The following TRIO variants were observed in gnomAD, a reference collection of about 807,000 sequenced individuals.
TRIO encodes the protein triple functional domain protein.
TRIO carries 58 observed loss-of-function variants against 351.9 expected under a neutral mutation model. The observed-to-expected ratio is 0.16, with a 90% confidence interval of 0.13 to 0.21. The LOEUF is 0.21. Ranked by LOEUF, TRIO falls within the 10% of genes least tolerant of loss-of-function variation. TRIO has a pLI of 1.00. For synonymous variants in TRIO, 1,758 were observed against 1,595.7 expected, an observed-to-expected ratio of 1.10 and a Z score of -2.42; for missense variants, 3,201 against 4,027.8, an observed-to-expected ratio of 0.79 and a Z score of 5.56.
chr5:14,337,581 T>A (rs1741539224), intron 11 of TRIO, among the ~76,000 whole-genome samples: 1 of 151,798 alleles, frequency 6.6e-6, no homozygotes. Context: ...GGTCATAGGA[T>A]GGGAAAAAGG....
intron 6 of TRIO, among the ~76,000 whole-genome samples, chr5:14,295,904 C>T (rs1308096903): frequency 6.6e-6 from 1 of 152,172 alleles, no homozygotes; most frequent in East Asian, 1.9e-4. Context: ...GGCTGGAGTC[C>T]TGTGGCTCTA....
At chr5:14,190,441 G>A (rs1790385754) in intron 1 of TRIO, among the ~76,000 whole-genome samples, 2 of 152,174 alleles carry the variant, frequency 1.3e-5, no homozygotes, top group South Asian at 2.1e-4. Flanking sequence ...GTGCATAAGA[G>A]ATCATTTACA....
chr5:14,397,618 C>T (rs998035303), intron 29 of TRIO, among the ~76,000 whole-genome samples: 7 of 152,166 alleles, frequency 4.6e-5, no homozygotes, highest in African/African-American at 1.7e-4. Context: ...AAATATGTTT[C>T]AAAATTAGAG....
chr5:14,215,496 CCTT>C (rs1259584355), intron 1 of TRIO, among the ~76,000 whole-genome samples: 5 of 152,152 alleles, frequency 3.3e-5, no homozygotes, highest in Non-Finnish European at 7.4e-5. Context: ...TTCAGACCAA[CCTT>C]CTTTTATATA....
Position 14,336,655 on chromosome 5 carries a change from T to A in TRIO, c.1974T>A (p.Asp658Glu). ...ATCAGCTGGAAGACCGGATTCAAGA[T>A]TTCGTTCGGCGTGTTGAGCAGCGAA... ...AAHQLEDRIQ[D>E]FVRRVEQRKI... The change falls in exon 11 of 57, where the codon GAT becomes GAA. Residue 658 changes from aspartate to glutamate, a missense_variant. Asp to Glu is a conservative substitution (Grantham distance 45). Transcript: ENST00000344204. 1.2e-6 allele frequency: 2 copies of A among 1,614,186 alleles called. No individual in the cohort carries two copies. The highest frequency in any genetic ancestry group is 1.7e-6 in the Non-Finnish European group (2 of 1,180,032).
intron 28 of TRIO, 25 bp from the exon 29 acceptor site, chr5:14,397,018 T>C: frequency 6.3e-7 from 1 of 1,576,932 alleles, no homozygotes; most frequent in Non-Finnish European, 8.6e-7. Context: ...AGTCTTTACC[T>C]AGTTTCTGTT....
At chr5:14,249,047 A>G (rs1287000607) in intron 1 of TRIO, among the ~76,000 whole-genome samples, 1 of 152,222 alleles carries the variant, frequency 6.6e-6, no homozygotes, top group Non-Finnish European at 1.5e-5. Flanking sequence ...TTCCTGCCTG[A>G]GGTGCCCATA....
intron 38 of TRIO, among the ~76,000 whole-genome samples, chr5:14,472,290 GTCAGAAAGTTA>G (rs1754749527): frequency 1.3e-5 from 2 of 152,190 alleles, no homozygotes; most frequent in African/African-American, 4.8e-5. Context: ...TCATGGCTTT[GTCAGAAAGTTA>G]TGTCTAAGCT....
At chr5:14,504,097 G>T (rs1029452055) in intron 54 of TRIO, among the ~76,000 whole-genome samples, 1 of 152,254 alleles carries the variant, frequency 6.6e-6, no homozygotes, top group East Asian at 1.9e-4. Context: ...CAAGGCCAAG[G>T]CTCAGAGGTC....
At chr5:14,155,238 C>G (rs1038553338) in intron 1 of TRIO, among the ~76,000 whole-genome samples, 1 of 152,204 alleles carries the variant, frequency 6.6e-6, no homozygotes, top group East Asian at 1.9e-4. Context: ...CTCTGCTTCT[C>G]TTTCTGGATA....
chr5:14,186,489 A>T (rs1240919526), intron 1 of TRIO, among the ~76,000 whole-genome samples: 1 of 152,216 alleles, frequency 6.6e-6, no homozygotes, highest in East Asian at 1.9e-4. Context: ...GGGCAGGGAC[A>T]GACAGCCTTA....
At chr5:14,308,775 A>G (rs2152299465) in intron 8 of TRIO, among the ~76,000 whole-genome samples, 1 of 81,204 alleles carries the variant, frequency 1.2e-5, no homozygotes, top group African/African-American at 6.5e-5. Flanking sequence ...CCATCCATTC[A>G]TCTATCCAAC....
intron 33 of TRIO, among the ~76,000 whole-genome samples, chr5:14,416,411 A>G (rs957744026): frequency 2.6e-5 from 4 of 152,128 alleles, no homozygotes; most frequent in Non-Finnish European, 4.4e-5. Context: ...CTGGGCTAGA[A>G]AACACCCATT....
intron 35 of TRIO, 93 bp downstream of exon 35, chr5:14,461,404 T>A: frequency 7.1e-7 from 1 of 1,403,796 alleles, no homozygotes. Context: ...TAAACTGGTT[T>A]GGTTCTGTTT....
intron 1 of TRIO, among the ~76,000 whole-genome samples, chr5:14,163,972 G>A (rs888100475): frequency 2.0e-5 from 3 of 152,182 alleles, no homozygotes; most frequent in African/African-American, 7.2e-5. Flanking sequence ...GCTCTTGTGT[G>A]AATGTGTGTT....
intron 37 of TRIO, among the ~76,000 whole-genome samples, chr5:14,469,018 C>T (rs181335369): frequency 2.1e-3 from 313 of 152,256 alleles, no homozygotes; most frequent in African/African-American, 6.9e-3. Flanking sequence ...AGTAATAGTT[C>T]CCTGCCGCCA....
intron 21 of TRIO, 140 bp from the exon 22 acceptor site, chr5:14,387,298 C>G (rs1746627415): frequency 1.3e-6 from 1 of 749,594 alleles, no homozygotes; most frequent in African/African-American, 1.8e-5. Flanking sequence ...GTGGGTGGAC[C>G]TGGGGCTTTG....
intron 34 of TRIO, among the ~76,000 whole-genome samples, chr5:14,430,591 A>C (rs892205443): frequency 6.6e-6 from 1 of 152,164 alleles, no homozygotes; most frequent in Admixed American, 6.5e-5. Context: ...TGGGCTGTTG[A>C]TGGCTCTCCT....
intron 1 of TRIO, among the ~76,000 whole-genome samples, chr5:14,191,667 G>C (rs1790466558): frequency 6.6e-6 from 1 of 151,994 alleles, no homozygotes; most frequent in African/African-American, 2.4e-5. Context: ...TCTTAGAGAA[G>C]ATTAAAATCA....
Sources: allele counts gnomAD v4.1 joint callset (sites outside exome capture counted in the v4.1 genomes callset), GRCh38; gene constraint gnomAD v4.1.1; transcripts MANE v1.5; gene names NCBI Gene and HGNC (gene_info 2026-07-23, HGNC 2026-07-21).